Variants in OTUD7B observed in about 807,000 individuals in gnomAD.
OTUD7B encodes the protein OTU domain-containing protein 7B.
A neutral mutation model predicts 82.2 loss-of-function variants in OTUD7B; 34 were observed. The ratio of observed to expected loss-of-function variants is 0.41; its 90% CI spans 0.31 to 0.55. The LOEUF (loss-of-function observed/expected upper bound fraction) is 0.55, where lower values mean the gene tolerates loss of function less well. Among genes scored for constraint, OTUD7B ranks in the 20% least tolerant of loss-of-function variants. The pLI, the probability that OTUD7B is intolerant of heterozygous loss-of-function variation, is 0.20. For missense variants in OTUD7B, 944 were observed against 1,062.1 expected (o/e 0.89, Z 1.55); for synonymous variants, 398 against 402.7 (o/e 0.99, Z 0.14).
intron 5 of OTUD7B, among the ~76,000 whole-genome samples, chr1:149,965,364 T>C (rs868913703): frequency 3.3e-5 from 5 of 152,126 alleles, no homozygotes; most frequent in Admixed American, 2.0e-4. Context: ...AGACTCCGTC[T>C]CAAAAACTAA....
the OTUD7B span, among the ~76,000 whole-genome samples, chr1:150,039,387 A>ATT: frequency 0.53 from 79,536 of 150,902 alleles, 24,097 homozygotes; most frequent in Middle Eastern, 0.7. Flanking sequence ...TAAAAAAAAA[A>ATT]TTTTTTTTGA....
chr1:150,037,733 G>T, the OTUD7B span, among the ~76,000 whole-genome samples: 22,734 of 151,938 alleles, frequency 0.15, 1,873 homozygotes, highest in African/African-American at 0.18. Flanking sequence ...GGGATTACAG[G>T]TGCATGCCAC....
rs1553784795 is a variant in OTUD7B, at chr1:150,001,586, A to T, written c.-67+8862T>A. Among the ~76,000 whole-genome samples the T allele has an allele frequency of 2.0e-5, 3 of 152,318 alleles. No homozygotes were observed. In the South Asian group the frequency reaches 6.2e-4, roughly 32 times the overall value. ...TTATCTCCCCTAAAACAGCCAAGAA[A>T]GCTTCCAGTTACACAGGAATTCAGA... On this transcript the variant is annotated intron_variant, in intron 1 of 11. Coordinates refer to ENST00000581312, the MANE Select transcript of OTUD7B (RefSeq NM_020205.4).
chr1:149,974,793 G>A (rs1235396865), intron 2 of OTUD7B, among the ~76,000 whole-genome samples: 10 of 151,236 alleles, frequency 6.6e-5, no homozygotes, highest in Non-Finnish European at 1.3e-4. Flanking sequence ...CAGGTGATCC[G>A]CCTGCCTCAG....
the OTUD7B span, among the ~76,000 whole-genome samples, chr1:150,032,645 G>GA: frequency 0.02 from 3 of 152 alleles, no homozygotes; most frequent in East Asian, 0.38. Flanking sequence ...AAGAAGAAAA[G>GA]AAGAAAAGAA....
At chr1:150,055,270 C>A in the OTUD7B span, among the ~76,000 whole-genome samples, 1 of 152,108 alleles carries the variant, frequency 6.6e-6, no homozygotes, top group African/African-American at 2.4e-5. Flanking sequence ...GATCTCCTGA[C>A]CTCGTGATCC....
Position 149,942,010 on chromosome 1 carries a change from G to C in OTUD7B, c.*1847C>G, listed in dbSNP as rs1647292313. On this transcript the variant is annotated 3_prime_UTR_variant, in exon 12 of 12. Transcript: ENST00000581312. ...CAGATTTGGAAAATAGGTGACTTCTGAGTTTGTTGAGGAGAAAATAACCTT... is the reference window on the plus strand; with the variant it reads ...CAGATTTGGAAAATAGGTGACTTCTCAGTTTGTTGAGGAGAAAATAACCTT... 1 of 152,314 alleles carries C rather than the reference G, an allele frequency of 6.6e-6. No homozygotes were observed. Among genetic ancestry groups the C allele is most frequent in the African/African-American group, 2.4e-5 (1 of 41,434 alleles). 9.4% of individuals were successfully genotyped at this position (152,314 alleles called of 1,614,324 possible).
At chr1:149,949,196 A>G in intron 9 of OTUD7B, 113 bp from the exon 10 acceptor site, 1 of 670,058 alleles carries the variant, frequency 1.5e-6, no homozygotes, top group East Asian at 2.7e-5. Flanking sequence ...TCACTTCTCA[A>G]TTCTTACACG....
At position 150,009,531 on chromosome 1, in the gene OTUD7B, A is replaced by C. The variant is rs148301188; in HGVS notation, c.-67+917T>G. 3.3e-4 allele frequency among the ~76,000 whole-genome samples: 51 copies of C among 152,380 alleles called. 1 individual carries two copies. Among genetic ancestry groups the C allele is most frequent in the African/African-American group, 1.2e-3 (48 of 41,590 alleles). On this transcript the variant is annotated intron_variant, in intron 1 of 11. Transcript: ENST00000581312. ...GGAAAATAAAAGTCAACGTCCTGCT[A>C]ATTCTAGGCTTTGCATTCGTGAAAA...
intron 1 of OTUD7B, among the ~76,000 whole-genome samples, chr1:150,004,314 C>G (rs1652508262): frequency 6.6e-6 from 1 of 152,098 alleles, no homozygotes; most frequent in South Asian, 2.1e-4. Flanking sequence ...CATCCCAGCA[C>G]TTTGGGAAGC....
intron 1 of OTUD7B, among the ~76,000 whole-genome samples, chr1:149,996,770 A>G (rs10494261): frequency 0.12 from 17,929 of 152,192 alleles, 1,630 homozygotes; most frequent in African/African-American, 0.26. Context: ...TCTTGCTACT[A>G]AAGAGTAAAG....
At chr1:150,033,715 T>G in the OTUD7B span, among the ~76,000 whole-genome samples, 1 of 152,160 alleles carries the variant, frequency 6.6e-6, no homozygotes, top group Non-Finnish European at 1.5e-5. Context: ...AATATTAGTA[T>G]GTACTATACA....
At chr1:149,950,059 C>T in intron 8 of OTUD7B, 35 bp downstream of exon 8, 1 of 1,611,958 alleles carries the variant, frequency 6.2e-7, no homozygotes, top group Non-Finnish European at 8.5e-7. Flanking sequence ...AAAGGGGGTG[C>T]TCAGCATGGA....
At chr1:150,040,013 A>G in the OTUD7B span, among the ~76,000 whole-genome samples, 19 of 152,324 alleles carry the variant, frequency 1.2e-4, no homozygotes, top group African/African-American at 4.6e-4. Context: ...CCTCTAGAAC[A>G]CTGTTGAATA....
Position 149,943,816 on chromosome 1 carries a change from T to C in OTUD7B, c.*41A>G, listed in dbSNP as rs1200119002. On this transcript the variant is annotated 3_prime_UTR_variant, in exon 12 of 12. Coordinates refer to ENST00000581312, the MANE Select transcript of OTUD7B (RefSeq NM_020205.4). ...TCTTGATGAGCCAATTAGTTGAGCT[T>C]AACTTTGTTTAGCCTCCTTGCCCTT... is the stretch of plus-strand genomic sequence containing the variant. 8.2e-6 allele frequency: 13 copies of C among 1,586,028 alleles called. No individual in the cohort carries two copies. In the African/African-American group the frequency reaches 1.6e-4, roughly 20 times the overall value.
chr1:149,943,729 A>G lies in OTUD7B; in HGVS notation c.*128T>C, dbSNP rs1303992494. The G allele has an allele frequency of 9.4e-7, 1 of 1,060,652 alleles. No homozygotes were observed. Among genetic ancestry groups the G allele is most frequent in the Non-Finnish European group, 1.4e-6 (1 of 711,288 alleles). 65.7% of individuals were successfully genotyped at this position (1,060,652 alleles called of 1,614,324 possible). ...AGCACTCCTGTGTGCACACACTTAA[A>G]AGTTTCCAGCCAGGCTCCCACAAAC... is the stretch of plus-strand genomic sequence containing the variant. On this transcript the variant is annotated 3_prime_UTR_variant, in exon 12 of 12. Transcript: ENST00000581312.
intron 1 of OTUD7B, among the ~76,000 whole-genome samples, chr1:150,006,341 C>T (rs1652670079): frequency 6.6e-6 from 1 of 152,032 alleles, no homozygotes; most frequent in South Asian, 2.1e-4. Flanking sequence ...CCTGTAGTCC[C>T]AGCTACTCGG....
intron 1 of OTUD7B, among the ~76,000 whole-genome samples, chr1:149,995,447 T>C (rs1471476002): frequency 6.6e-6 from 1 of 151,976 alleles, no homozygotes; most frequent in African/African-American, 2.4e-5. Context: ...GGCATGGTAG[T>C]GCGTGCCTGT....
intron 1 of OTUD7B, among the ~76,000 whole-genome samples, chr1:150,003,938 G>A (rs1652477614): frequency 6.6e-6 from 1 of 152,060 alleles, no homozygotes; most frequent in South Asian, 2.1e-4. Context: ...CCAACACATC[G>A]CAAATTATAC....
Sources: allele counts gnomAD v4.1 joint callset (sites outside exome capture counted in the v4.1 genomes callset), GRCh38; gene constraint gnomAD v4.1.1; transcripts MANE v1.5; gene names NCBI Gene and HGNC (gene_info 2026-07-23, HGNC 2026-07-21).